Variants in APOLD1 observed in about 807,000 individuals in gnomAD.
APOLD1 encodes apolipoprotein L domain-containing protein 1.
Under a neutral mutation model 15.3 loss-of-function variants are expected in APOLD1, and 22 were observed. The ratio of observed to expected loss-of-function variants is 1.44; its 90% confidence interval spans 1.03 to 2.05. The LOEUF is 2.05. Ranked by LOEUF, APOLD1 falls within the 30% of genes most tolerant of loss-of-function variation. The pLI is 0.00. For synonymous variants in APOLD1, 190 were observed against 167.4 expected (o/e 1.13, Z -1.04); for missense variants, 394 against 353.5 (o/e 1.11, Z -0.92).
At chr12:12,730,024 CTTTGTGTG>C (rs1458837921) in intron 1 of APOLD1, among the ~76,000 whole-genome samples, 3 of 101,830 alleles carry the variant, frequency 2.9e-5, no homozygotes, top group African/African-American at 1.2e-4. Flanking sequence ...GCCCAGCTAA[CTTTGTGTG>C]TGTGTGTGTG....
rs1285396996 is a variant in APOLD1 at position 12,745,307 on chromosome 12, T to C, written c.96+19211T>C. On this transcript the variant is annotated intron_variant, in intron 1 of 1. Transcript: ENST00000326765. ...CTGTAATCCCAGTACTTTGGGAAGT[T>C]GAGGCGGGTGGATCACCTGAGGTCA... Among the ~76,000 whole-genome samples, 413 of 151,976 alleles carry C rather than the reference T, an allele frequency of 2.7e-3. 1 individual carries two copies. Among genetic ancestry groups the C allele is most frequent in the African/African-American group, 9.4e-3 (389 of 41,316 alleles).
chr12:12,785,971 T>A (rs1020152756), intron 1 of APOLD1, among the ~76,000 whole-genome samples: 1 of 152,206 alleles, frequency 6.6e-6, no homozygotes, highest in Non-Finnish European at 1.5e-5. Flanking sequence ...TTGCCACTTT[T>A]AAGAAGTTCC....
chr12:12,756,166 A>G (rs540980964), intron 1 of APOLD1, among the ~76,000 whole-genome samples: 1 of 152,218 alleles, frequency 6.6e-6, no homozygotes, highest in Non-Finnish European at 1.5e-5. Context: ...CCTCTGTTAG[A>G]TGAAAAAGCC....
chr12:12,780,249 C>CT (rs11288514), intron 1 of APOLD1, among the ~76,000 whole-genome samples: 3,694 of 145,522 alleles, frequency 0.025, 53 homozygotes, highest in Admixed American at 0.036. Context: ...TTTTAATTTG[C>CT]TTTTTTTTTT....
Position 12,789,451 on chromosome 12 carries a change from G to A in APOLD1, c.*1799G>A, listed in dbSNP as rs1332471810. The A allele has an allele frequency of 6.6e-6, 1 of 152,176 alleles. No individual in the cohort carries two copies. The highest frequency in any genetic ancestry group is 2.4e-5 in the African/African-American group (1 of 41,442). 9.4% of individuals were successfully genotyped at this position (152,176 alleles called of 1,614,324 possible). The stretch of plus-strand genomic sequence containing the variant: ...CTGAGGAAGCATATTTATCCTGAAG[G>A]TATTTTGCCAGAAGGTATCACTTGA... On this transcript the variant is annotated 3_prime_UTR_variant, in exon 2 of 2. Transcript: ENST00000356591.
At chr12:12,782,366 C>T (rs1322854237), upstream of APOLD1, among the ~76,000 whole-genome samples, 3 of 152,182 alleles carry the variant, frequency 2.0e-5, no homozygotes, top group African/African-American at 7.2e-5. Context: ...TCCCAGATCC[C>T]ACTCCAGACC....
chr12:12,781,510 G>A (rs929408413), upstream of APOLD1, among the ~76,000 whole-genome samples: 48 of 151,848 alleles, frequency 3.2e-4, no homozygotes, highest in Non-Finnish European at 5.4e-4. Flanking sequence ...GGCCTTGAGC[G>A]TAATTATCAC....
chr12:12,774,960 A>G (rs933160121), intron 1 of APOLD1, among the ~76,000 whole-genome samples: 6 of 152,182 alleles, frequency 3.9e-5, no homozygotes, highest in African/African-American at 1.4e-4. Flanking sequence ...TATTTACCCA[A>G]AGGAATTGAA....
At chr12:12,785,547 G>T, upstream of APOLD1, 3 of 1,425,786 alleles carry the variant, frequency 2.1e-6, no homozygotes, top group Non-Finnish European at 2.9e-6. Context: ...TCTAGATGAA[G>T]GCAGCAGGGG....
chr12:12,779,543 C>T (rs189588153), intron 1 of APOLD1, among the ~76,000 whole-genome samples: 9 of 152,170 alleles, frequency 5.9e-5, no homozygotes, highest in African/African-American at 1.9e-4. Context: ...ATAACAAAAA[C>T]GATGAAGATG....
chr12:12,776,028 A>G (rs1947031277), intron 1 of APOLD1, among the ~76,000 whole-genome samples: 2 of 145,338 alleles, frequency 1.4e-5, no homozygotes, highest in South Asian at 4.4e-4. Flanking sequence ...AAAAAAAAAC[A>G]CAACAAACAA....
At chr12:12,736,587 A>G (rs1374139702) in intron 1 of APOLD1, among the ~76,000 whole-genome samples, 1 of 152,198 alleles carries the variant, frequency 6.6e-6, no homozygotes, top group Non-Finnish European at 1.5e-5. Flanking sequence ...AATAAATTTT[A>G]TTGTTTCCTC....
At chr12:12,768,931 G>GAAGTCAC in intron 1 of APOLD1, among the ~76,000 whole-genome samples, 1 of 151,650 alleles carries the variant, frequency 6.6e-6, no homozygotes, top group East Asian at 2.0e-4. Flanking sequence ...AAGGAGCTCA[G>GAAGTCAC]AAGTCACTAC....
Position 12,788,858 on chromosome 12 carries a change from C to T in APOLD1, c.*1206C>T, listed in dbSNP as rs538985075. On this transcript the variant is annotated 3_prime_UTR_variant, in exon 2 of 2. Coordinates refer to ENST00000356591, the MANE Select transcript of APOLD1 (RefSeq NM_030817.3). ...GGTCTTCAGAGTCGTTCACAGATGA[C>T]CAAGGACAGACTGTGTCCCAGAAGC... The T allele has an allele frequency of 2.0e-5, 3 of 151,586 alleles. No homozygotes were observed. In the South Asian group the frequency reaches 6.3e-4, roughly 32 times the overall value. 9.4% of individuals were successfully genotyped at this position (151,586 alleles called of 1,614,324 possible).
chr12:12,741,841 C>G (rs1565427315), intron 1 of APOLD1, among the ~76,000 whole-genome samples: 1 of 152,162 alleles, frequency 6.6e-6, no homozygotes, highest in Admixed American at 6.5e-5. Flanking sequence ...GGAAACTGAG[C>G]CTTGGAGCTG....
intron 1 of APOLD1, among the ~76,000 whole-genome samples, chr12:12,730,942 C>T (rs188698829): frequency 0.012 from 1,774 of 151,926 alleles, 32 homozygotes; most frequent in African/African-American, 0.04. Context: ...GAGATCGAGA[C>T]CATCTTGGCT....
intron 1 of APOLD1, among the ~76,000 whole-genome samples, chr12:12,731,847 A>G (rs936182248): frequency 1.3e-5 from 2 of 152,224 alleles, no homozygotes; most frequent in African/African-American, 4.8e-5. Flanking sequence ...GTGACCAAAG[A>G]AGCAAAGAGT....
chr12:12,758,100 C>T (rs10772597), intron 1 of APOLD1, among the ~76,000 whole-genome samples: 98,615 of 124,082 alleles, frequency 0.79, 36,706 homozygotes, highest in Admixed American at 0.85. Context: ...GGCTTTTTTT[C>T]TTTTTTTTTT....
At chr12:12,783,977 G>A (rs950122185), upstream of APOLD1, among the ~76,000 whole-genome samples, 1 of 152,078 alleles carries the variant, frequency 6.6e-6, no homozygotes, top group African/African-American at 2.4e-5. Flanking sequence ...AGCCCAAACT[G>A]TCAATTAACT....
Sources: allele counts gnomAD v4.1 joint callset (sites outside exome capture counted in the v4.1 genomes callset), GRCh38; gene constraint gnomAD v4.1.1; transcripts MANE v1.5; gene names NCBI Gene and HGNC (gene_info 2026-07-23, HGNC 2026-07-21).